Variants in SLC17A8 observed in about 807,000 individuals in gnomAD.
The protein encoded by SLC17A8 is solute carrier family 17 member 8.
In SLC17A8, 31 loss-of-function variants were observed where a neutral mutation model predicts 58.0. The observed-to-expected ratio is 0.53, with a 90% CI of 0.40 to 0.72. SLC17A8 has a LOEUF of 0.72. SLC17A8 is among the 30% of genes least tolerant of loss of function. SLC17A8 has a pLI of 0.00. For missense variants in SLC17A8, 655 were observed against 727.8 expected, an observed-to-expected ratio of 0.90 and a Z score of 1.15; for synonymous variants, 228 against 249.0, an observed-to-expected ratio of 0.92 and a Z score of 0.79.
intron 5 of SLC17A8, among the ~76,000 whole-genome samples, chr12:100,401,215 T>G (rs1952788866): frequency 6.6e-6 from 1 of 151,914 alleles, no homozygotes. Context: ...ACCAGGCTGG[T>G]CTTGAACTCC....
intron 9 of SLC17A8, among the ~76,000 whole-genome samples, chr12:100,411,197 C>T (rs951072551): frequency 6.6e-6 from 1 of 152,168 alleles, no homozygotes; most frequent in Non-Finnish European, 1.5e-5. Flanking sequence ...GGTGGTGGCT[C>T]ATGCCTGTAA....
intron 9 of SLC17A8, among the ~76,000 whole-genome samples, chr12:100,407,766 C>T (rs1355535563): frequency 3.3e-5 from 5 of 151,976 alleles, no homozygotes; most frequent in South Asian, 4.2e-4. Context: ...CCACCACACC[C>T]GGCTAATTTT....
At position 100,366,633 on chromosome 12, in the gene SLC17A8, G is replaced by T. The variant is rs1020521586; in HGVS notation, c.101+9141G>T. 2.6e-5 allele frequency among the ~76,000 whole-genome samples: 4 copies of T among 152,282 alleles called. No homozygotes were observed. In the South Asian group the frequency reaches 6.2e-4, roughly 24 times the overall value. On this transcript the variant is annotated intron_variant, in intron 1 of 11. Transcript: ENST00000323346. ...TGCATTTCCTTCTGTGGTGTTGCAG[G>T]TTCCTTAGTCACGGAACCTTCGGTC...
chr12:100,403,362 A>G (rs961066588), intron 8 of SLC17A8, among the ~76,000 whole-genome samples: 1 of 152,062 alleles, frequency 6.6e-6, no homozygotes, highest in African/African-American at 2.4e-5. Context: ...CTAGTTACTC[A>G]GGAGGCTGAG....
Position 100,402,721 on chromosome 12 carries a change from G to A in SLC17A8, c.1029G>A (p.Glu343=). The change falls in exon 8 of 12, where the codon GAG becomes GAA. Residue 343 remains glutamate, a synonymous_variant. Coordinates refer to ENST00000323346, the MANE Select transcript of SLC17A8 (RefSeq NM_139319.3). ...TAAGTCAGCCTGCTTATTTTGAAGA[G>A]GTCTTTGGATTTGCAATAAGTAAGG... ...LLISQPAYFE[E]VFGFAISKVG... 2 of 1,613,878 alleles carry A rather than the reference G, an allele frequency of 1.2e-6. No individual in the cohort carries two copies. Among genetic ancestry groups the A allele is most frequent in the Non-Finnish European group, 1.7e-6 (2 of 1,179,974 alleles).
intron 1 of SLC17A8, among the ~76,000 whole-genome samples, chr12:100,361,399 G>C (rs1417230319): frequency 6.6e-6 from 1 of 152,194 alleles, no homozygotes; most frequent in African/African-American, 2.4e-5. Flanking sequence ...TTGCTTAAAT[G>C]CTTTCCTCCC....
At chr12:100,364,339 A>T (rs1252597055) in intron 1 of SLC17A8, among the ~76,000 whole-genome samples, 1 of 152,204 alleles carries the variant, frequency 6.6e-6, no homozygotes, top group Non-Finnish European at 1.5e-5. Flanking sequence ...CCTTTCCAGG[A>T]TGGAAGGGGT....
chr12:100,383,061 A>G (rs1201453785), intron 2 of SLC17A8, among the ~76,000 whole-genome samples: 1 of 152,182 alleles, frequency 6.6e-6, no homozygotes, highest in Non-Finnish European at 1.5e-5. Flanking sequence ...AAAATAAAGA[A>G]TGATGTATAT....
intron 2 of SLC17A8, among the ~76,000 whole-genome samples, chr12:100,384,180 A>T (rs1952657006): frequency 6.6e-6 from 1 of 152,228 alleles, no homozygotes; most frequent in Non-Finnish European, 1.5e-5. Flanking sequence ...GATTCAGAGC[A>T]TGGGCTTTGG....
intron 2 of SLC17A8, among the ~76,000 whole-genome samples, chr12:100,384,878 C>A (rs1952662159): frequency 6.6e-6 from 1 of 152,274 alleles, no homozygotes; most frequent in South Asian, 2.1e-4. Context: ...CAGAGTCTTT[C>A]ATTGGCTTTT....
At chr12:100,381,056 CA>C in intron 2 of SLC17A8, 103 bp downstream of exon 2, 1 of 1,377,108 alleles carries the variant, frequency 7.3e-7, no homozygotes, top group Non-Finnish European at 1.0e-6. Flanking sequence ...ACTGCAGCCC[CA>C]ACCTGCCAGG....
chr12:100,387,571 T>C (rs572002572), intron 2 of SLC17A8, among the ~76,000 whole-genome samples: 1 of 152,298 alleles, frequency 6.6e-6, no homozygotes, highest in African/African-American at 2.4e-5. Context: ...AAAGGGATGT[T>C]GTGATTGACA....
At chr12:100,412,491 T>C (rs192665460) in intron 9 of SLC17A8, among the ~76,000 whole-genome samples, 1 of 151,114 alleles carries the variant, frequency 6.6e-6, no homozygotes, top group African/African-American at 2.4e-5. Flanking sequence ...GATGGGTTGA[T>C]AGGTGGAGCA....
At chr12:100,405,244 C>T (rs1404852570) in intron 9 of SLC17A8, among the ~76,000 whole-genome samples, 5 of 152,142 alleles carry the variant, frequency 3.3e-5, no homozygotes, top group African/African-American at 4.8e-5. Context: ...TGAGGGTTAG[C>T]GGATATAGGC....
intron 3 of SLC17A8, among the ~76,000 whole-genome samples, 188 bp downstream of exon 3, chr12:100,391,307 C>T (rs967109088): frequency 3.3e-5 from 5 of 151,934 alleles, no homozygotes; most frequent in Non-Finnish European, 7.4e-5. Context: ...ATTTTTGAGA[C>T]GGTGTCTCAC....
At chr12:100,402,235 C>A in intron 6 of SLC17A8, 105 bp from the exon 7 acceptor site, 1 of 1,286,268 alleles carries the variant, frequency 7.8e-7, no homozygotes, top group Non-Finnish European at 1.1e-6. Context: ...AACATTGGTA[C>A]ATTACCCATT....
At chr12:100,416,608 C>T (rs894629454) in intron 10 of SLC17A8, among the ~76,000 whole-genome samples, 2 of 151,772 alleles carry the variant, frequency 1.3e-5, no homozygotes, top group East Asian at 1.9e-4. Flanking sequence ...ATAAAGCCTA[C>T]AACCCCTTGC....
chr12:100,414,906 C>T (rs952861427), intron 10 of SLC17A8, among the ~76,000 whole-genome samples: 12 of 152,184 alleles, frequency 7.9e-5, no homozygotes, highest in African/African-American at 2.2e-4. Context: ...GCAAGTTCCC[C>T]AGAGCTGCTG....
intron 1 of SLC17A8, among the ~76,000 whole-genome samples, chr12:100,375,735 T>C (rs2135980386): frequency 6.6e-6 from 1 of 152,364 alleles, no homozygotes; most frequent in South Asian, 2.1e-4. Flanking sequence ...GCAATAGTGA[T>C]AGTACTTACC....
Sources: gnomAD v4.1 joint callset for allele counts (sites outside exome capture counted in the v4.1 genomes callset) on GRCh38, gnomAD v4.1.1 for gene constraint, MANE v1.5 for transcripts, NCBI Gene and HGNC (gene_info 2026-07-23, HGNC 2026-07-21) for gene names.